The following PDE10A variants were observed in gnomAD, a reference collection of about 807,000 sequenced individuals.
PDE10A encodes the protein phosphodiesterase 10A.
PDE10A carries 39 observed loss-of-function variants against 97.7 expected under a neutral mutation model. That is an observed-to-expected ratio of 0.40 (90% CI 0.31 to 0.52). The LOEUF is 0.52. Ranked by LOEUF, PDE10A falls within the 20% of genes least tolerant of loss-of-function variation. The pLI is 0.56. For missense variants in PDE10A, 731 were observed against 1,047.8 expected (o/e 0.70, Z 4.17); for synonymous variants, 371 against 376.8 (o/e 0.98, Z 0.18).
At position 165,693,528 on chromosome 6, in the gene PDE10A, CAAAA is replaced by C. The variant is rs55830575; in HGVS notation, c.-614-149964_-614-149961del. Among the ~76,000 whole-genome samples, 412 of 56,750 alleles carry C rather than the reference CAAAA, an allele frequency of 7.3e-3. 2 individuals carry two copies. The highest frequency in any genetic ancestry group is 0.024 in the African/African-American group (375 of 15,728). 37.2% of individuals were successfully genotyped at this position (56,750 alleles called of 152,430 possible). A position where few individuals can be genotyped will look rare whatever the true frequency, so the allele number is the denominator to read the frequency against. On this transcript the variant is annotated intron_variant, in intron 1 of 19. Transcript: ENST00000366882. ...CTTGGGCGGCAGAGGGAGGCTCCACCAAAAAAAAAAAAAAAAAAAAAAAACCGAG... is the reference window on the plus strand; with the variant it reads ...CTTGGGCGGCAGAGGGAGGCTCCACCAAAAAAAAAAAAAAAAAAAACCGAG...
intron 1 of PDE10A, among the ~76,000 whole-genome samples, chr6:165,927,678 A>ATATATATATATATATATATAT (rs1562801740): frequency 2.5e-5 from 3 of 118,516 alleles, no homozygotes; most frequent in Non-Finnish European, 1.7e-5. Context: ...ATATATATAT[A>ATATATATATATATATATATAT]GTTTTTTGTT....
At chr6:165,466,175 C>T (rs146410403) in intron 3 of PDE10A, among the ~76,000 whole-genome samples, 513 of 152,210 alleles carry the variant, frequency 3.4e-3, no homozygotes, top group Non-Finnish European at 5.9e-3. Context: ...TTATAATTTT[C>T]AAAGGGCTTT....
rs376723835 is a variant in PDE10A, at chr6:165,330,654, C to T, written c.*2371G>A. On this transcript the variant is annotated 3_prime_UTR_variant, in exon 22 of 22. Transcript: ENST00000539869. ...TGTTCTAAATAGAGATTACATAATA[C>T]ACTTGACTATAATAAATTAAGAGAA... 13 of 152,256 alleles carry T rather than the reference C, an allele frequency of 8.5e-5. 1 individual carries two copies. Among genetic ancestry groups the T allele is most frequent in the African/African-American group, 3.1e-4 (13 of 41,546 alleles). The allele number at this position is 152,256 out of a possible 1,614,324, so 9.4% of individuals were successfully genotyped here.
intron 1 of PDE10A, among the ~76,000 whole-genome samples, chr6:165,681,575 T>TGCTGCCGGTCTAGCACAAG (rs1402018950): frequency 5.3e-5 from 8 of 152,212 alleles, no homozygotes; most frequent in African/African-American, 1.9e-4. Flanking sequence ...GGGATACCGA[T>TGCTGCCGGTCTAGCACAAG]GCTGCCGGTC....
chr6:165,538,125 G>T lies in PDE10A; in HGVS notation c.994+5315C>A, dbSNP rs777446906. Among the ~76,000 whole-genome samples the T allele has an allele frequency of 2.6e-5, 4 of 152,046 alleles. No homozygotes were observed. In the South Asian group the frequency reaches 8.3e-4, roughly 32 times the overall value. ...GGTTATCAAATAGTAGGTTTAGGGG[G>T]CATAATTTAAATCCTACTTATTCTA... On this transcript the variant is annotated intron_variant, in intron 2 of 21. Coordinates refer to ENST00000539869, the MANE Select transcript of PDE10A (RefSeq NM_001385079.1).
chr6:165,509,098 T>C (rs997046485), intron 2 of PDE10A, among the ~76,000 whole-genome samples: 4 of 152,040 alleles, frequency 2.6e-5, no homozygotes, highest in Non-Finnish European at 5.9e-5. Flanking sequence ...TGTCAAAGCG[T>C]ATATTCATAC....
At chr6:165,552,312 C>T (rs1451699927) in intron 1 of PDE10A, among the ~76,000 whole-genome samples, 4 of 152,242 alleles carry the variant, frequency 2.6e-5, no homozygotes, top group African/African-American at 9.6e-5. Flanking sequence ...CCTGACAGTG[C>T]TCTTCTACTT....
chr6:165,411,156 A>C (rs1037425371), intron 13 of PDE10A, among the ~76,000 whole-genome samples: 3 of 150,744 alleles, frequency 2.0e-5, no homozygotes, highest in African/African-American at 7.3e-5. Flanking sequence ...AAAAATACCC[A>C]GGTCATGAGA....
intron 1 of PDE10A, among the ~76,000 whole-genome samples, chr6:165,810,216 C>T (rs1445320403): frequency 2.6e-5 from 4 of 152,174 alleles, no homozygotes. Context: ...GAGAGCACCA[C>T]CCTTGGTCTG....
At chr6:165,591,686 T>C (rs930030784) in intron 1 of PDE10A, among the ~76,000 whole-genome samples, 7 of 152,250 alleles carry the variant, frequency 4.6e-5, no homozygotes, top group Admixed American at 2.6e-4. Context: ...GTGTTGTTTT[T>C]TGCTTTTTTG....
In PDE10A at chr6:165,761,996, T is replaced by C. The variant is rs1043382110; in HGVS notation, c.-614-218428A>G. ...CATCAGATATTTACTCTCCCTGTCT[T>C]AAAACTCAACAAAGTTACCTTTGTC... On this transcript the variant is annotated intron_variant, in intron 1 of 19. Coordinates refer to the PDE10A transcript ENST00000366882. Among the ~76,000 whole-genome samples, 9 of 152,216 alleles carry C rather than the reference T, an allele frequency of 5.9e-5. No individual in the cohort carries two copies. In the South Asian group the frequency reaches 8.3e-4, roughly 14 times the overall value.
At chr6:165,664,882 TA>T (rs1790458658), upstream of PDE10A, among the ~76,000 whole-genome samples, 1 of 152,262 alleles carries the variant, frequency 6.6e-6, no homozygotes, top group South Asian at 2.1e-4. Context: ...TTACTAAATC[TA>T]TTTTTCAGTT....
chr6:165,955,014 A>T (rs1018249369), intron 1 of PDE10A, among the ~76,000 whole-genome samples: 1 of 152,136 alleles, frequency 6.6e-6, no homozygotes, highest in Non-Finnish European at 1.5e-5. Context: ...CTCCACAAGG[A>T]TCTCCTCGCT....
At chr6:165,645,852 T>TAAAAAAAAAAA (rs1789367718) in intron 1 of PDE10A, among the ~76,000 whole-genome samples, 2 of 28,234 alleles carry the variant, frequency 7.1e-5, no homozygotes, top group East Asian at 3.6e-4. Flanking sequence ...AGACTCCATC[T>TAAAAAAAAAAA]CAAAAAAAAA....
exon 1 of PDE10A, chr6:165,987,853 G>C (rs1057085798): frequency 2.5e-6 from 1 of 396,110 alleles, no homozygotes; most frequent in African/African-American, 2.1e-5. Flanking sequence ...GGGGTCTCGG[G>C]GAAAGCTGCA....
At chr6:165,720,466 A>G (rs978784855) in intron 1 of PDE10A, among the ~76,000 whole-genome samples, 2 of 152,178 alleles carry the variant, frequency 1.3e-5, no homozygotes, top group Non-Finnish European at 1.5e-5. Context: ...TCAACTGGCA[A>G]CTGTGCACAG....
intron 2 of PDE10A, among the ~76,000 whole-genome samples, chr6:165,543,095 T>A (rs1031427861): frequency 6.6e-6 from 1 of 152,212 alleles, no homozygotes; most frequent in African/African-American, 2.4e-5. Context: ...AAATATAGTA[T>A]CTTTGAAATA....
At chr6:165,345,476 T>C (rs1187709399) in intron 18 of PDE10A, among the ~76,000 whole-genome samples, 1 of 152,210 alleles carries the variant, frequency 6.6e-6, no homozygotes, top group East Asian at 1.9e-4. Context: ...TACAGAAATA[T>C]TAATTGGGAT....
intron 2 of PDE10A, among the ~76,000 whole-genome samples, chr6:165,482,673 A>G (rs992616826): frequency 1.3e-5 from 2 of 152,294 alleles, no homozygotes; most frequent in Middle Eastern, 6.8e-3. Context: ...TAACACTTCA[A>G]TATTCTACAC....
Sources: allele counts gnomAD v4.1 joint callset (sites outside exome capture counted in the v4.1 genomes callset), GRCh38; gene constraint gnomAD v4.1.1; transcripts MANE v1.5; gene names NCBI Gene and HGNC (gene_info 2026-07-23, HGNC 2026-07-21).